The following CLNK variants were observed in gnomAD, a reference collection of about 807,000 sequenced individuals.
The protein encoded by CLNK is cytokine dependent hematopoietic cell linker.
CLNK carries 74 observed loss-of-function variants against 68.6 expected under a neutral mutation model. That is an observed-to-expected ratio of 1.08 (90% CI 0.89 to 1.31). CLNK has a LOEUF of 1.31. CLNK is among the 50% of genes most tolerant of loss of function. The pLI is 0.00. For missense variants in CLNK, 553 were observed against 515.3 expected (o/e 1.07, Z -0.71); for synonymous variants, 198 against 172.2 (o/e 1.15, Z -1.17).
At chr4:10,622,810 TG>T (rs1722510987) in intron 2 of CLNK, among the ~76,000 whole-genome samples, 1 of 152,212 alleles carries the variant, frequency 6.6e-6, no homozygotes, top group African/African-American at 2.4e-5. Context: ...TTCTGGTGGC[TG>T]GAAGTCCAAG....
At chr4:10,693,859 C>A in the CLNK span, among the ~76,000 whole-genome samples, 1 of 152,142 alleles carries the variant, frequency 6.6e-6, no homozygotes, top group African/African-American at 2.4e-5. Flanking sequence ...CTTAGGGATG[C>A]ATATGGACCA....
the CLNK span, among the ~76,000 whole-genome samples, chr4:10,731,012 G>A: frequency 6.6e-6 from 1 of 152,188 alleles, no homozygotes; most frequent in African/African-American, 2.4e-5. Flanking sequence ...CATACAATGT[G>A]TAATAATCAA....
chr4:10,684,362 C>T (rs1181128560), intron 1 of CLNK, among the ~76,000 whole-genome samples: 4 of 152,174 alleles, frequency 2.6e-5, no homozygotes, highest in Non-Finnish European at 5.9e-5. Context: ...AGCCATGGGG[C>T]CTGGTCTTTA....
chr4:10,531,747 C>A (rs909497478), intron 12 of CLNK: 1 of 456,566 alleles, frequency 2.2e-6, no homozygotes, highest in East Asian at 6.9e-5. Flanking sequence ...GGCCCCCATC[C>A]CTATTTTATG....
At chr4:10,699,508 A>ATTT in the CLNK span, among the ~76,000 whole-genome samples, 166 of 19,730 alleles carry the variant, frequency 8.4e-3, 2 homozygotes, top group Non-Finnish European at 0.015. Context: ...ATATATATAT[A>ATTT]TATATTTTTT....
chr4:10,519,835 G>A (rs1013759481), intron 15 of CLNK, among the ~76,000 whole-genome samples: 1 of 152,152 alleles, frequency 6.6e-6, no homozygotes, highest in Non-Finnish European at 1.5e-5. Flanking sequence ...GTGTGTGTGT[G>A]TGTGTGCAAA....
chr4:10,653,149 A>G (rs1366427524), intron 2 of CLNK, among the ~76,000 whole-genome samples: 1 of 152,146 alleles, frequency 6.6e-6, no homozygotes, highest in Non-Finnish European at 1.5e-5. Context: ...ATGAGAACAC[A>G]TGGACACAGG....
At chr4:10,519,685 G>C (rs1278693852) in intron 15 of CLNK, among the ~76,000 whole-genome samples, 1 of 152,200 alleles carries the variant, frequency 6.6e-6, no homozygotes, top group African/African-American at 2.4e-5. Context: ...GAAGTGACTT[G>C]AAGTCATGAT....
At chr4:10,569,320 G>A (rs1720250190) in intron 5 of CLNK, among the ~76,000 whole-genome samples, 1 of 151,170 alleles carries the variant, frequency 6.6e-6, no homozygotes. Flanking sequence ...CTTATAAGAA[G>A]AGACACCAGA....
chr4:10,658,795 G>A (rs762634883), intron 2 of CLNK, among the ~76,000 whole-genome samples: 11 of 152,360 alleles, frequency 7.2e-5, no homozygotes, highest in African/African-American at 2.4e-4. Flanking sequence ...GTAGGCCCAT[G>A]CAAGTTAAGG....
intron 16 of CLNK, among the ~76,000 whole-genome samples, chr4:10,510,332 A>G (rs945789416): frequency 1.3e-5 from 2 of 152,154 alleles, no homozygotes; most frequent in African/African-American, 4.8e-5. Flanking sequence ...TCTCTCTGCC[A>G]TTTCTAATCT....
At chr4:10,658,650 T>C (rs1056535095) in intron 2 of CLNK, among the ~76,000 whole-genome samples, 3 of 152,120 alleles carry the variant, frequency 2.0e-5, no homozygotes, top group African/African-American at 4.8e-5. Context: ...GTGTCTACAG[T>C]AGAGCGGCCA....
At chr4:10,554,177 C>T (rs1719572809) in intron 8 of CLNK, among the ~76,000 whole-genome samples, 1 of 152,222 alleles carries the variant, frequency 6.6e-6, no homozygotes, top group South Asian at 2.1e-4. Context: ...TGAAGAACCC[C>T]TCCATCCAGA....
At chr4:10,542,656 A>ATG (rs140035866) in intron 8 of CLNK, among the ~76,000 whole-genome samples, 2,129 of 132,162 alleles carry the variant, frequency 0.016, 32 homozygotes, top group African/African-American at 0.039. Flanking sequence ...GTGTGTGTGT[A>ATG]TGTGTGTGTG....
At chr4:10,569,186 C>A (rs1369212258) in intron 5 of CLNK, among the ~76,000 whole-genome samples, 3 of 138,850 alleles carry the variant, frequency 2.2e-5, no homozygotes, top group Non-Finnish European at 4.6e-5. Context: ...GCCAAGACTG[C>A]CCTTTTTTTT....
chr4:10,631,904 CT>C (rs1002062449), intron 2 of CLNK, among the ~76,000 whole-genome samples: 1 of 152,076 alleles, frequency 6.6e-6, no homozygotes, highest in African/African-American at 2.4e-5. Flanking sequence ...TCAAATATGT[CT>C]TTTTTTGAGG....
chr4:10,540,417 T>G (rs1347492833), intron 11 of CLNK, 77 bp downstream of exon 11: 6 of 1,075,832 alleles, frequency 5.6e-6, no homozygotes, highest in Non-Finnish European at 5.7e-6. Context: ...AAAGGTACTT[T>G]GTTTGGTTTC....
intron 7 of CLNK, among the ~76,000 whole-genome samples, chr4:10,560,645 T>C (rs1719850869): frequency 6.6e-6 from 1 of 151,780 alleles, no homozygotes; most frequent in African/African-American, 2.4e-5. Context: ...AGTTTCACAA[T>C]GTTACCCAGG....
intron 18 of CLNK, among the ~76,000 whole-genome samples, chr4:10,496,207 C>G (rs1056309631): frequency 6.6e-6 from 1 of 152,208 alleles, no homozygotes; most frequent in Non-Finnish European, 1.5e-5. Context: ...AAGATAGCTA[C>G]AAAACTACAT....
Sources: allele counts gnomAD v4.1 joint callset (sites outside exome capture counted in the v4.1 genomes callset), GRCh38; gene constraint gnomAD v4.1.1; transcripts MANE v1.5; gene names NCBI Gene and HGNC (gene_info 2026-07-23, HGNC 2026-07-21).